Variants in ULK2 observed in about 807,000 individuals in gnomAD.
ULK2 encodes the protein unc-51 like autophagy activating kinase 2, also known as serine/threonine-protein kinase ULK2.
A neutral mutation model predicts 127.5 loss-of-function variants in ULK2; 76 were observed. The observed-to-expected ratio is 0.60, with a 90% CI of 0.50 to 0.72. The LOEUF (loss-of-function observed/expected upper bound fraction) is 0.72, where lower values mean the gene tolerates loss of function less well. Among genes scored for constraint, ULK2 ranks in the 30% least tolerant of loss-of-function variants. ULK2 has a pLI of 0.00. For synonymous variants in ULK2, 452 were observed against 461.9 expected, an observed-to-expected ratio of 0.98 and a Z score of 0.28; for missense variants, 1,144 against 1,295.9, an observed-to-expected ratio of 0.88 and a Z score of 1.80.
At chr17:19,800,367 A>C (rs1390449944) in intron 16 of ULK2, among the ~76,000 whole-genome samples, 3 of 152,170 alleles carry the variant, frequency 2.0e-5, no homozygotes, top group Non-Finnish European at 4.4e-5. Flanking sequence ...AAACATGTCT[A>C]TATCAAGAGG....
intron 10 of ULK2, among the ~76,000 whole-genome samples, chr17:19,826,738 C>T (rs2041306559): frequency 2.0e-5 from 3 of 152,086 alleles, no homozygotes; most frequent in Admixed American, 6.6e-5. Context: ...GGCAGATCAC[C>T]TAAGGTCAGG....
rs552899694 is a variant in ULK2, at chr17:19,778,151, T to G, written c.2917-435A>C. The stretch of plus-strand genomic sequence containing the variant: ...TTTTTCTAGCCAAATAATTTTTGGG[T>G]GTAGTCATTCATTCATTCAAAGATA... On this transcript the variant is annotated intron_variant, in intron 25 of 26. Coordinates refer to ENST00000395544, the MANE Select transcript of ULK2 (RefSeq NM_014683.4). 1.1e-4 allele frequency among the ~76,000 whole-genome samples: 16 copies of G among 152,348 alleles called. No individual in the cohort carries two copies. In the East Asian group the frequency reaches 3.1e-3, roughly 29 times the overall value.
At chr17:19,822,572 T>G (rs1308620535) in intron 12 of ULK2, among the ~76,000 whole-genome samples, 1 of 151,982 alleles carries the variant, frequency 6.6e-6, no homozygotes, top group African/African-American at 2.4e-5. Context: ...TTTGGCATGT[T>G]GGCCAGGCTG....
intron 6 of ULK2, 37 bp from the exon 7 acceptor site, chr17:19,845,414 G>A (rs1307567391): frequency 3.3e-6 from 5 of 1,492,848 alleles, no homozygotes; most frequent in Non-Finnish European, 3.7e-6. Flanking sequence ...AGCAAATTAC[G>A]TCTTCGCTCA....
intron 26 of ULK2, among the ~76,000 whole-genome samples, chr17:19,776,725 T>C (rs1239088555): frequency 2.6e-5 from 4 of 152,206 alleles, no homozygotes; most frequent in Admixed American, 2.0e-4. Context: ...AACCAGATTA[T>C]TGGGCTTGTA....
At chr17:19,805,766 C>CA (rs907685524) in intron 14 of ULK2, among the ~76,000 whole-genome samples, 9 of 149,164 alleles carry the variant, frequency 6.0e-5, no homozygotes, top group Non-Finnish European at 7.4e-5. Flanking sequence ...CTTTGAACCA[C>CA]AAAAAAAAAG....
chr17:19,820,663 G>C (rs2041118241), intron 12 of ULK2, among the ~76,000 whole-genome samples: 1 of 152,194 alleles, frequency 6.6e-6, no homozygotes, highest in Admixed American at 6.5e-5. Flanking sequence ...TGGCCATGGA[G>C]AGCTAGAGTT....
intron 3 of ULK2, among the ~76,000 whole-genome samples, chr17:19,861,277 T>C (rs2042236701): frequency 6.6e-6 from 1 of 152,190 alleles, no homozygotes; most frequent in Non-Finnish European, 1.5e-5. Flanking sequence ...CCGGGCGCGG[T>C]GGCTCACGCC....
At chr17:19,850,817 G>A (rs904717977) in intron 3 of ULK2, among the ~76,000 whole-genome samples, 1 of 151,952 alleles carries the variant, frequency 6.6e-6, no homozygotes, top group Non-Finnish European at 1.5e-5. Flanking sequence ...CTGCAAGAGA[G>A]CCAGACTCTG....
chr17:19,804,427 A>T (rs3095125), intron 15 of ULK2, among the ~76,000 whole-genome samples: 145,922 of 151,890 alleles, frequency 0.96, 70,287 homozygotes, highest in African/African-American at 0.99. Context: ...GTAATTATAC[A>T]TTTTAAGTAT....
chr17:19,864,765 A>T (rs1317014766), intron 3 of ULK2, 38 bp downstream of exon 3: 2 of 991,358 alleles, frequency 2.0e-6, no homozygotes, highest in Admixed American at 3.5e-5. Flanking sequence ...ATTAAAAAAA[A>T]TTTATTTTAA....
intron 15 of ULK2, among the ~76,000 whole-genome samples, chr17:19,803,327 CTCAT>C (rs1567688196): frequency 6.6e-6 from 1 of 152,098 alleles, no homozygotes; most frequent in African/African-American, 2.4e-5. Flanking sequence ...TTTTTACTGC[CTCAT>C]TAAGGACATT....
In ULK2 at chr17:19,838,490, C is replaced by T. The variant is rs757473793; in HGVS notation, c.787+11G>A. The T allele has an allele frequency of 2.5e-6, 4 of 1,600,896 alleles. No individual in the cohort carries two copies. Among genetic ancestry groups the T allele is most frequent in the Non-Finnish European group, 3.4e-6 (4 of 1,174,388 alleles). On this transcript the variant is annotated intron_variant, in intron 10 of 26. Coordinates refer to ENST00000395544, the MANE Select transcript of ULK2 (RefSeq NM_014683.4). ...ATTAGAAAACATGCAAAAGTTAAAA[C>T]TATTTCTTACCAAAGTCCATTCTAT...
rs779004774 is a variant in ULK2 at position 19,804,732 on chromosome 17, G to C, written c.1256C>G (p.Ser419Cys). ...NYQRIEQNLT[S>C]TASSGTNVHG... is the part of the protein sequence containing the mutation. ...TACATTTGTGCCTGAGCTGGCAGTA[G>C]ATGTAAGATTCTGCTCTATGCGCTG... The change falls in exon 15 of 27, where the codon TCT (serine) becomes TGT (cysteine). Residue 419 changes from serine (S) to cysteine (C), a missense_variant. Ser to Cys is a moderately radical substitution (Grantham distance 112, BLOSUM62 -1). This residue lies in a region of ULK2 where 913 missense variants were observed against 970.5 expected (regional missense o/e 0.94). Coordinates refer to ENST00000395544, the MANE Select transcript of ULK2 (RefSeq NM_014683.4). The C allele has an allele frequency of 8.1e-6, 13 of 1,609,316 alleles. No homozygotes were observed. Among genetic ancestry groups the C allele is most frequent in the Non-Finnish European group, 1.1e-5 (13 of 1,177,264 alleles).
intron 14 of ULK2, among the ~76,000 whole-genome samples, chr17:19,809,503 C>T (rs962102580): frequency 2.0e-5 from 3 of 151,918 alleles, no homozygotes; most frequent in Admixed American, 1.3e-4. Flanking sequence ...GAGGCCGAGG[C>T]GGGCAATCAC....
chr17:19,798,383 C>T (rs2087321571), intron 17 of ULK2, among the ~76,000 whole-genome samples: 2 of 152,164 alleles, frequency 1.3e-5, no homozygotes, highest in Non-Finnish European at 2.9e-5. Context: ...ATCCCTGTTT[C>T]CCCCCTACAA....
At chr17:19,852,494 G>T (rs1445283348) in intron 3 of ULK2, among the ~76,000 whole-genome samples, 6 of 145,164 alleles carry the variant, frequency 4.1e-5, no homozygotes, top group African/African-American at 1.5e-4. Flanking sequence ...ACTCTAGCCT[G>T]GGTGACAGAG....
rs2086898749 is a variant in ULK2 at position 19,780,641 on chromosome 17, T to C, written c.2759-12A>G. On this transcript the variant is annotated splice_polypyrimidine_tract_variant and intron_variant, in intron 24 of 26. Coordinates refer to ENST00000395544, the MANE Select transcript of ULK2 (RefSeq NM_014683.4). ...CAGATTCTTGACAACTGAAAAAAAATTGAGATGGGAACTAATTTTAATTTT... is the reference window on the plus strand; with the variant it reads ...CAGATTCTTGACAACTGAAAAAAAACTGAGATGGGAACTAATTTTAATTTT... The C allele has an allele frequency of 1.3e-6, 2 of 1,594,292 alleles. No homozygotes were observed. The highest frequency in any genetic ancestry group is 1.7e-6 in the Non-Finnish European group (2 of 1,170,512).
At chr17:19,805,150 T>C (rs556733798) in intron 14 of ULK2, among the ~76,000 whole-genome samples, 104 of 152,284 alleles carry the variant, frequency 6.8e-4, no homozygotes, top group Non-Finnish European at 3.8e-4. Context: ...TTCATTACTA[T>C]GTGAGAGAAA....
Sources: allele counts gnomAD v4.1 joint callset (sites outside exome capture counted in the v4.1 genomes callset), GRCh38; gene constraint gnomAD v4.1.1; regional missense constraint gnomAD v4.1.1; transcripts MANE v1.5; gene names NCBI Gene and HGNC (gene_info 2026-07-23, HGNC 2026-07-21).